LCLAT1: variants seen among roughly 807,000 people sequenced by gnomAD.
LCLAT1 encodes the protein 1-AGP acyltransferase 8.
LCLAT1 carries 11 observed loss-of-function variants against 30.7 expected under a neutral mutation model. The ratio of observed to expected loss-of-function variants is 0.36; its 90% CI spans 0.23 to 0.59. The LOEUF is 0.59. Ranked by LOEUF, LCLAT1 falls within the 20% of genes least tolerant of loss-of-function variation. The pLI is 0.77. For synonymous variants in LCLAT1, 155 were observed against 151.3 expected, an observed-to-expected ratio of 1.02 and a Z score of -0.18; for missense variants, 402 against 458.6, an observed-to-expected ratio of 0.88 and a Z score of 1.13.
chr2:30,517,933 G>A (rs1685266765), intron 1 of LCLAT1, among the ~76,000 whole-genome samples: 1 of 152,174 alleles, frequency 6.6e-6, no homozygotes, highest in Admixed American at 6.5e-5. Flanking sequence ...GTAGCCAAAA[G>A]CGCTGAGGCC....
chr2:30,554,922 G>T (rs1664847466), intron 3 of LCLAT1, among the ~76,000 whole-genome samples: 1 of 151,700 alleles, frequency 6.6e-6, no homozygotes, highest in Non-Finnish European at 1.5e-5. Flanking sequence ...AAATATGAAT[G>T]AAGAGAAAAA....
At chr2:30,614,643 T>C (rs1031183751) in intron 5 of LCLAT1, among the ~76,000 whole-genome samples, 1 of 152,190 alleles carries the variant, frequency 6.6e-6, no homozygotes, top group Admixed American at 6.5e-5. Flanking sequence ...GAGCTACTTA[T>C]TAGATATCCA....
intron 5 of LCLAT1, among the ~76,000 whole-genome samples, chr2:30,585,294 AT>A (rs11343785): frequency 0.13 from 19,305 of 152,038 alleles, 1,359 homozygotes; most frequent in South Asian, 0.23. Context: ...GTCAAAAAAC[AT>A]TTTTTTGAGC....
intron 5 of LCLAT1, among the ~76,000 whole-genome samples, chr2:30,577,562 C>T (rs1666050214): frequency 6.6e-6 from 1 of 152,066 alleles, no homozygotes; most frequent in Non-Finnish European, 1.5e-5. Flanking sequence ...ATCTCTTTTT[C>T]ATAGGAAATG....
At chr2:30,580,830 C>T (rs1183947451) in intron 5 of LCLAT1, among the ~76,000 whole-genome samples, 5 of 152,088 alleles carry the variant, frequency 3.3e-5, no homozygotes, top group African/African-American at 7.2e-5. Flanking sequence ...GTGAGTAAAT[C>T]GTTCCCTTCT....
chr2:30,568,298 G>T, intron 5 of LCLAT1, 122 bp downstream of exon 5: 1 of 537,150 alleles, frequency 1.9e-6, no homozygotes, highest in Non-Finnish European at 3.3e-6. Context: ...ATGAGATATT[G>T]TATTTTTATT....
intron 5 of LCLAT1, among the ~76,000 whole-genome samples, chr2:30,612,284 C>T (rs977316645): frequency 5.9e-5 from 9 of 152,098 alleles, no homozygotes; most frequent in Non-Finnish European, 1.3e-4. Flanking sequence ...TTAACATCGT[C>T]AAATATGCCA....
intron 1 of LCLAT1, chr2:30,489,110 T>G (rs1218206675): frequency 2.6e-5 from 4 of 152,194 alleles, no homozygotes; most frequent in Non-Finnish European, 1.5e-5. Context: ...TCTGCTACAG[T>G]GTGACCCTGG....
chr2:30,560,066 T>C (rs1665122655), intron 3 of LCLAT1, among the ~76,000 whole-genome samples: 1 of 152,172 alleles, frequency 6.6e-6, no homozygotes, highest in Non-Finnish European at 1.5e-5. Context: ...CACACTGCTC[T>C]GTGGGCCTAA....
chr2:30,627,443 G>A (rs1285625572), intron 5 of LCLAT1, among the ~76,000 whole-genome samples: 1 of 152,102 alleles, frequency 6.6e-6, no homozygotes, highest in Non-Finnish European at 1.5e-5. Context: ...GACCTTCTAG[G>A]TGCATGAGCC....
At chr2:30,458,339 T>C (rs901164496) in intron 1 of LCLAT1, among the ~76,000 whole-genome samples, 1 of 152,198 alleles carries the variant, frequency 6.6e-6, no homozygotes, top group Non-Finnish European at 1.5e-5. Flanking sequence ...TGCTATGATC[T>C]TTTTGCTTTA....
intron 1 of LCLAT1, among the ~76,000 whole-genome samples, chr2:30,452,268 C>T (rs749935554): frequency 6.6e-6 from 1 of 151,736 alleles, no homozygotes; most frequent in Non-Finnish European, 1.5e-5. Context: ...TATGGCAATG[C>T]AAGATCACTT....
At chr2:30,466,942 A>AT (rs919086642) in intron 1 of LCLAT1, among the ~76,000 whole-genome samples, 1 of 151,932 alleles carries the variant, frequency 6.6e-6, no homozygotes, top group African/African-American at 2.4e-5. Flanking sequence ...TTTATTTTTT[A>AT]TTTTTTTTAA....
intron 1 of LCLAT1, among the ~76,000 whole-genome samples, chr2:30,486,477 C>T (rs780176217): frequency 1.3e-5 from 2 of 152,118 alleles, no homozygotes; most frequent in Non-Finnish European, 2.9e-5. Context: ...CTTGCTGCTC[C>T]CCAGAATACA....
At chr2:30,577,057 A>T (rs1190735893) in intron 5 of LCLAT1, among the ~76,000 whole-genome samples, 2 of 150,578 alleles carry the variant, frequency 1.3e-5, no homozygotes, top group African/African-American at 4.9e-5. Context: ...AGTTTTCTCC[A>T]TTTTATTTTG....
At chr2:30,524,199 A>G (rs1685602417) in intron 1 of LCLAT1, among the ~76,000 whole-genome samples, 2 of 152,182 alleles carry the variant, frequency 1.3e-5, no homozygotes, top group South Asian at 4.1e-4. Context: ...TCCAACAAGC[A>G]TTTATTTTAA....
intron 3 of LCLAT1, among the ~76,000 whole-genome samples, chr2:30,553,842 A>C (rs767503487): frequency 6.6e-6 from 1 of 152,192 alleles, no homozygotes; most frequent in East Asian, 1.9e-4. Context: ...AAGACAAATT[A>C]TATATGCTGA....
chr2:30,562,586 C>T (rs1665285719), intron 4 of LCLAT1, among the ~76,000 whole-genome samples: 2 of 152,156 alleles, frequency 1.3e-5, no homozygotes, highest in South Asian at 4.1e-4. Flanking sequence ...TGTCAGGACT[C>T]AGAACTCTTG....
chr2:30,538,857 A>G (rs1663954075), intron 3 of LCLAT1, among the ~76,000 whole-genome samples: 1 of 152,164 alleles, frequency 6.6e-6, no homozygotes, highest in Non-Finnish European at 1.5e-5. Context: ...AAACAGACCA[A>G]TAACAAGTAA....
Sources: gnomAD v4.1 joint callset for allele counts (sites outside exome capture counted in the v4.1 genomes callset) on GRCh38, gnomAD v4.1.1 for gene constraint, MANE v1.5 for transcripts, NCBI Gene and HGNC (gene_info 2026-07-23, HGNC 2026-07-21) for gene names.